Variants in PIK3C2G observed in about 807,000 individuals in gnomAD.
The protein encoded by PIK3C2G is phosphatidylinositol-4-phosphate 3-kinase catalytic subunit type 2 gamma.
In PIK3C2G, 168 loss-of-function variants were observed where a neutral mutation model predicts 181.1. The ratio of observed to expected loss-of-function variants is 0.93; its 90% CI spans 0.82 to 1.05. PIK3C2G has a LOEUF of 1.05. PIK3C2G is among the 50% of genes least tolerant of loss of function. The pLI is 0.00. For synonymous variants in PIK3C2G, 573 were observed against 592.2 expected, an observed-to-expected ratio of 0.97 and a Z score of 0.47; for missense variants, 1,869 against 1,732.8, an observed-to-expected ratio of 1.08 and a Z score of -1.40.
intron 14 of PIK3C2G, among the ~76,000 whole-genome samples, chr12:18,384,408 GGTGT>G (rs1943040151): frequency 6.6e-6 from 1 of 152,032 alleles, no homozygotes; most frequent in Admixed American, 6.5e-5. Context: ...AGGCCTGTGG[GGTGT>G]GTAAGTGTAG....
intron 24 of PIK3C2G, among the ~76,000 whole-genome samples, chr12:18,529,981 A>G (rs908899478): frequency 2.0e-5 from 3 of 152,154 alleles, no homozygotes; most frequent in Admixed American, 1.3e-4. Flanking sequence ...CAAGGGCTCT[A>G]AGACCACATG....
chr12:18,615,536 T>C (rs1412905504), intron 31 of PIK3C2G, among the ~76,000 whole-genome samples: 1 of 151,978 alleles, frequency 6.6e-6, no homozygotes, highest in Non-Finnish European at 1.5e-5. Flanking sequence ...GCAATAAACA[T>C]ACATGTGCAA....
upstream of PIK3C2G, among the ~76,000 whole-genome samples, chr12:18,243,858 T>A (rs1431566760): frequency 7.2e-5 from 11 of 151,906 alleles, no homozygotes; most frequent in Admixed American, 6.6e-4. Context: ...GAAGACTTTT[T>A]AAAATATGTA....
intron 29 of PIK3C2G, among the ~76,000 whole-genome samples, chr12:18,578,139 T>C (rs1592630331): frequency 6.6e-6 from 1 of 152,188 alleles, no homozygotes; most frequent in East Asian, 1.9e-4. Flanking sequence ...TCAATAATTC[T>C]AGTGATTCAG....
At chr12:18,372,386 GA>G (rs1218825460) in intron 13 of PIK3C2G, among the ~76,000 whole-genome samples, 2 of 151,860 alleles carry the variant, frequency 1.3e-5, no homozygotes, top group Non-Finnish European at 2.9e-5. Flanking sequence ...TTGAATTGAG[GA>G]AAAAAACAGT....
Position 18,594,544 on chromosome 12 carries a change from TGAA to T in PIK3C2G, c.4066_4068del (p.Glu1356del). ...TCTCTGAGGCTGTGCAACAAACAGTTGAAGAATCATCACCTGTGTACCTAGGTA... is the reference window on the plus strand; with the variant it reads ...TCTCTGAGGCTGTGCAACAAACAGTTGAATCATCACCTGTGTACCTAGGTA... On this transcript the variant is annotated inframe_deletion, in exon 30 of 33. Coordinates refer to ENST00000538779, the MANE Select transcript of PIK3C2G (RefSeq NM_001288772.2). 1 of 1,552,240 alleles carries T rather than the reference TGAA, an allele frequency of 6.4e-7. No homozygotes were observed. Among genetic ancestry groups the T allele is most frequent in the East Asian group, 2.4e-5 (1 of 40,956 alleles).
intron 29 of PIK3C2G, among the ~76,000 whole-genome samples, chr12:18,593,595 G>A (rs1229038041): frequency 2.0e-5 from 3 of 151,838 alleles, no homozygotes; most frequent in Non-Finnish European, 2.9e-5. Flanking sequence ...TTATTCTTTG[G>A]TGCCCTTTAG....
At chr12:18,530,863 T>G (rs551672417) in intron 24 of PIK3C2G, among the ~76,000 whole-genome samples, 11 of 152,148 alleles carry the variant, frequency 7.2e-5, no homozygotes, top group Non-Finnish European at 1.5e-4. Flanking sequence ...CCATGCCTCC[T>G]GTACAGCTGG....
At chr12:18,591,633 A>G (rs1415707694) in intron 29 of PIK3C2G, among the ~76,000 whole-genome samples, 1 of 151,970 alleles carries the variant, frequency 6.6e-6, no homozygotes, top group Non-Finnish European at 1.5e-5. Flanking sequence ...AGAAGAACAT[A>G]GGGAAATGAG....
intron 9 of PIK3C2G, among the ~76,000 whole-genome samples, chr12:18,342,672 C>T (rs1484149445): frequency 6.6e-6 from 1 of 151,508 alleles, no homozygotes; most frequent in African/African-American, 2.4e-5. Context: ...AAATCCTAAG[C>T]CACCAAAGTA....
At chr12:18,520,609 C>T (rs1311614855) in intron 24 of PIK3C2G, among the ~76,000 whole-genome samples, 1 of 152,094 alleles carries the variant, frequency 6.6e-6, no homozygotes, top group Non-Finnish European at 1.5e-5. Context: ...TAGTTAGCAC[C>T]TCCTGTAACC....
chr12:18,383,493 G>A (rs1039397847), intron 14 of PIK3C2G, among the ~76,000 whole-genome samples: 8 of 152,188 alleles, frequency 5.3e-5, no homozygotes, highest in Non-Finnish European at 8.8e-5. Flanking sequence ...GCCCTTTCTA[G>A]AATGAGTAAA....
chr12:18,281,130 A>G (rs1449770762), intron 1 of PIK3C2G, among the ~76,000 whole-genome samples: 2 of 151,950 alleles, frequency 1.3e-5, no homozygotes, highest in African/African-American at 4.8e-5. Flanking sequence ...TAATAAGAAG[A>G]GTGGCCAAGG....
rs1437834329 is a variant in PIK3C2G at position 18,567,013 on chromosome 12, C to T, written c.3967C>T (p.His1323Tyr). The T allele has an allele frequency of 1.3e-6, 2 of 1,584,806 alleles. No individual in the cohort carries two copies. The change falls in exon 29 of 33, where the codon CAT becomes TAT. Residue 1323 changes from histidine to tyrosine, a missense_variant. Physicochemically the swap from His to Tyr is moderately conservative, Grantham distance 83. Coordinates refer to ENST00000538779, the MANE Select transcript of PIK3C2G (RefSeq NM_001288772.2). ...TCACAGAAGATTCAGAGATCTAAATCATTACATGGAACAGATATTAAATGT... is the reference window on the plus strand; with the variant it reads ...TCACAGAAGATTCAGAGATCTAAATTATTACATGGAACAGATATTAAATGT... ...SDHRRFRDLNHYMEQILNVSH... is the reference protein window; with the variant it reads ...SDHRRFRDLNYYMEQILNVSH...
the PIK3C2G span, chr12:18,713,090 T>C: frequency 7.0e-7 from 1 of 1,421,278 alleles, no homozygotes; most frequent in East Asian, 2.5e-5. Flanking sequence ...AATAAATGCA[T>C]AAATGAGTCC....
intron 18 of PIK3C2G, among the ~76,000 whole-genome samples, chr12:18,487,878 T>C (rs1322991664): frequency 8.0e-6 from 1 of 125,272 alleles, no homozygotes; most frequent in Non-Finnish European, 2.0e-5. Context: ...CCTAATTAAG[T>C]AATTTGTAAG....
At chr12:18,346,418 A>T (rs991292220) in intron 10 of PIK3C2G, among the ~76,000 whole-genome samples, 1 of 152,158 alleles carries the variant, frequency 6.6e-6, no homozygotes, top group Non-Finnish European at 1.5e-5. Context: ...TGCTTCCAAG[A>T]TTTCTGCAGC....
chr12:18,308,501 T>TAA (rs58763741), intron 5 of PIK3C2G, among the ~76,000 whole-genome samples: 78,400 of 148,568 alleles, frequency 0.53, 20,835 homozygotes, highest in East Asian at 0.74. Flanking sequence ...TAAAATATAG[T>TAA]AAAAAAAAAA....
At chr12:18,614,989 T>C (rs895832048) in intron 31 of PIK3C2G, among the ~76,000 whole-genome samples, 9 of 152,068 alleles carry the variant, frequency 5.9e-5, no homozygotes, top group Admixed American at 5.2e-4. Flanking sequence ...ATTTCAATGC[T>C]TTTTAGGGAA....
Sources: gnomAD v4.1 joint callset for allele counts (sites outside exome capture counted in the v4.1 genomes callset) on GRCh38, gnomAD v4.1.1 for gene constraint, MANE v1.5 for transcripts, NCBI Gene and HGNC (gene_info 2026-07-23, HGNC 2026-07-21) for gene names.